Variants in PPP3R1 observed in about 807,000 individuals in gnomAD.
PPP3R1 encodes the protein calcineurin subunit B type 1.
Under a neutral mutation model 22.6 loss-of-function variants are expected in PPP3R1, and 5 were observed. The ratio of observed to expected loss-of-function variants is 0.22; its 90% confidence interval spans 0.12 to 0.46. The LOEUF is 0.46. PPP3R1 is among the 20% of genes least tolerant of loss of function. The probability of loss-of-function intolerance (pLI) is 0.99; values close to 1 mark genes in which losing one functional copy is unlikely to be tolerated. For synonymous variants in PPP3R1, 56 were observed against 65.2 expected (o/e 0.86, Z 0.68); for missense variants, 61 against 203.2 (o/e 0.30, Z 4.25).
chr2:68,201,489 T>C (rs1674974701), intron 2 of PPP3R1, among the ~76,000 whole-genome samples: 1 of 152,244 alleles, frequency 6.6e-6, no homozygotes. Context: ...TACTTTCTTC[T>C]TGAAGACATT....
At position 68,247,262 on chromosome 2, in the gene PPP3R1, T is replaced by C. The variant is rs184415269; in HGVS notation, c.3+4863A>G. ...GCCACTGTGCCTAGCCCACCCATGA[T>C]TCCTTTAAATTCAGCATGTGCAAAA... On this transcript the variant is annotated intron_variant, in intron 1 of 5. Transcript: ENST00000234310. Among the ~76,000 whole-genome samples the C allele has an allele frequency of 3.4e-5, 5 of 148,366 alleles. No individual in the cohort carries two copies. In the East Asian group the frequency reaches 5.8e-4, roughly 17 times the overall value.
intron 5 of PPP3R1, among the ~76,000 whole-genome samples, chr2:68,182,675 A>AG (rs1491469599): frequency 7.1e-6 from 1 of 141,586 alleles, no homozygotes; most frequent in Non-Finnish European, 1.6e-5. Flanking sequence ...AAAAAAAAAA[A>AG]GATTAGGCGG....
intron 1 of PPP3R1, among the ~76,000 whole-genome samples, chr2:68,224,803 A>G (rs1169453770): frequency 6.6e-6 from 1 of 152,150 alleles, no homozygotes; most frequent in African/African-American, 2.4e-5. Flanking sequence ...TTAAATGGGG[A>G]AAAAAAATCT....
At chr2:68,251,088 G>C (rs1017817049) in intron 1 of PPP3R1, 1 of 152,196 alleles carries the variant, frequency 6.6e-6, no homozygotes, top group Non-Finnish European at 1.5e-5. Context: ...ACGCGGAATA[G>C]CACTCTGAAC....
chr2:68,205,555 A>C (rs897769753), intron 2 of PPP3R1, among the ~76,000 whole-genome samples: 2 of 152,094 alleles, frequency 1.3e-5, no homozygotes, highest in Non-Finnish European at 2.9e-5. Flanking sequence ...TTATCTCTAA[A>C]AGATAAAAAC....
At position 68,180,931 on chromosome 2, in the gene PPP3R1, CA is replaced by C; in HGVS notation, c.*31del. On this transcript the variant is annotated 3_prime_UTR_variant, in exon 6 of 6. Coordinates refer to ENST00000234310, the MANE Select transcript of PPP3R1 (RefSeq NM_000945.4). ...AGATCTTCAGAGATGGAGAAGAAAGCAAAAGTGTTGGGTGGTACTCTCTGAT... is the reference window on the plus strand; with the variant it reads ...AGATCTTCAGAGATGGAGAAGAAAGCAAAGTGTTGGGTGGTACTCTCTGAT... The C allele has an allele frequency of 6.3e-7, 1 of 1,597,008 alleles. No homozygotes were observed. The highest frequency in any genetic ancestry group is 8.6e-7 in the Non-Finnish European group (1 of 1,165,018).
At chr2:68,234,102 G>C (rs1669970568) in intron 1 of PPP3R1, among the ~76,000 whole-genome samples, 1 of 152,162 alleles carries the variant, frequency 6.6e-6, no homozygotes, top group Admixed American at 6.5e-5. Flanking sequence ...CCAGCACTTT[G>C]GGAGGCCGAG....
In PPP3R1 at chr2:68,180,909, T is replaced by C; in HGVS notation, c.*54A>G. ...AGCATTGCTGGACGTCTTGAGCAGA[T>C]CTTCAGAGATGGAGAAGAAAGCAAA... On this transcript the variant is annotated 3_prime_UTR_variant, in exon 6 of 6. Transcript: ENST00000234310. 6.6e-7 allele frequency: 1 copy of C among 1,520,990 alleles called. No individual in the cohort carries two copies. The highest frequency in any genetic ancestry group is 9.1e-7 in the Non-Finnish European group (1 of 1,097,244). The allele number at this position is 1,520,990 out of a possible 1,614,324, so 94.2% of individuals were successfully genotyped here. A position where few individuals can be genotyped will look rare whatever the true frequency, so the allele number is the denominator to read the frequency against.
intron 2 of PPP3R1, among the ~76,000 whole-genome samples, chr2:68,191,380 A>G (rs534483976): frequency 6.6e-6 from 1 of 152,348 alleles, no homozygotes; most frequent in East Asian, 1.9e-4. Context: ...ACATATCTAA[A>G]CATTCAAAAG....
At chr2:68,238,999 G>A (rs1002048267) in intron 1 of PPP3R1, among the ~76,000 whole-genome samples, 1 of 151,550 alleles carries the variant, frequency 6.6e-6, no homozygotes, top group African/African-American at 2.4e-5. Flanking sequence ...AAGCTGTGCT[G>A]AATAATAAAC....
intron 1 of PPP3R1, among the ~76,000 whole-genome samples, chr2:68,233,985 T>C (rs1192929727): frequency 6.6e-6 from 1 of 152,188 alleles, no homozygotes. Flanking sequence ...AGCACTCTAT[T>C]AGAGACTTTA....
chr2:68,207,385 A>G (rs977823518), intron 2 of PPP3R1, among the ~76,000 whole-genome samples: 2 of 152,212 alleles, frequency 1.3e-5, no homozygotes, highest in Non-Finnish European at 2.9e-5. Context: ...GATTAAAGTG[A>G]TAAGAAAGAA....
At chr2:68,242,197 A>T (rs1466113654) in intron 1 of PPP3R1, among the ~76,000 whole-genome samples, 1 of 152,298 alleles carries the variant, frequency 6.6e-6, no homozygotes, top group South Asian at 2.1e-4. Context: ...GGGAGGCTGA[A>T]GCAAGCGGAT....
chr2:68,240,318 G>A (rs370028359), intron 1 of PPP3R1, among the ~76,000 whole-genome samples: 13 of 152,190 alleles, frequency 8.5e-5, no homozygotes, highest in African/African-American at 2.6e-4. Flanking sequence ...ACTAGACCAC[G>A]TTGCTTGTTG....
chr2:68,186,201 G>C (rs1449260866), intron 5 of PPP3R1, among the ~76,000 whole-genome samples: 1 of 152,186 alleles, frequency 6.6e-6, no homozygotes, highest in Non-Finnish European at 1.5e-5. Context: ...TTGTGCTTCT[G>C]TTCAGAAGCA....
intron 1 of PPP3R1, among the ~76,000 whole-genome samples, chr2:68,232,142 T>TAC (rs1669920704): frequency 5.8e-5 from 2 of 34,286 alleles, no homozygotes; most frequent in Non-Finnish European, 1.0e-4. Context: ...CACACACATA[T>TAC]ATATGTATAT....
chr2:68,229,410 T>C (rs1669845004), intron 1 of PPP3R1, among the ~76,000 whole-genome samples: 1 of 152,218 alleles, frequency 6.6e-6, no homozygotes, highest in Non-Finnish European at 1.5e-5. Context: ...TAGCACTGGT[T>C]GATTACATAT....
At chr2:68,230,585 AT>A (rs1007182962) in intron 1 of PPP3R1, among the ~76,000 whole-genome samples, 43 of 152,332 alleles carry the variant, frequency 2.8e-4, no homozygotes, top group African/African-American at 1.0e-3. Flanking sequence ...TGTCTATTGT[AT>A]TTACCCGTAC....
At chr2:68,251,753 G>A (rs1295045019) in intron 1 of PPP3R1, among the ~76,000 whole-genome samples, 1 of 151,924 alleles carries the variant, frequency 6.6e-6, no homozygotes, top group African/African-American at 2.4e-5. Context: ...GGAGGGGAGG[G>A]GGGTGCTCCA....
Sources: gnomAD v4.1 joint callset for allele counts (sites outside exome capture counted in the v4.1 genomes callset) on GRCh38, gnomAD v4.1.1 for gene constraint, MANE v1.5 for transcripts, NCBI Gene and HGNC (gene_info 2026-07-23, HGNC 2026-07-21) for gene names.